The following CCDC33 variants were observed in gnomAD, a reference collection of about 807,000 sequenced individuals.
CCDC33 encodes the protein coiled-coil domain containing 33.
In CCDC33, 94 loss-of-function variants were observed where a neutral mutation model predicts 91.9. The ratio of observed to expected loss-of-function variants is 1.02; its 90% CI spans 0.87 to 1.21. CCDC33 has a LOEUF of 1.21. CCDC33 is among the 50% of genes most tolerant of loss of function. The pLI is 0.00. For synonymous variants in CCDC33, 396 were observed against 374.5 expected (o/e 1.06, Z -0.66); for missense variants, 940 against 935.5 (o/e 1.00, Z -0.06).
At chr15:74,204,918 G>A (rs994231169) in intron 1 of CCDC33, among the ~76,000 whole-genome samples, 2 of 151,018 alleles carry the variant, frequency 1.3e-5, no homozygotes, top group African/African-American at 4.9e-5. Flanking sequence ...CTGGACAAAA[G>A]AGGCAAACTC....
At chr15:74,269,827 C>T (rs1373634858) in intron 5 of CCDC33, among the ~76,000 whole-genome samples, 1 of 152,208 alleles carries the variant, frequency 6.6e-6, no homozygotes, top group Non-Finnish European at 1.5e-5. Flanking sequence ...TGATGGTGAG[C>T]GCATGGCAGG....
chr15:74,272,300 C>T (rs2076339994), intron 6 of CCDC33, among the ~76,000 whole-genome samples: 1 of 152,216 alleles, frequency 6.6e-6, no homozygotes, highest in South Asian at 2.1e-4. Context: ...CTCCTCCCTC[C>T]TCATCCTGGA....
At chr15:74,208,490 C>T (rs1205057735) in intron 1 of CCDC33, among the ~76,000 whole-genome samples, 1 of 152,174 alleles carries the variant, frequency 6.6e-6, no homozygotes, top group Non-Finnish European at 1.5e-5. Context: ...CTCCTTGTTC[C>T]CTTGCTGACC....
intron 2 of CCDC33, among the ~76,000 whole-genome samples, chr15:74,259,305 A>G (rs112908618): frequency 0.022 from 3,307 of 152,000 alleles, 117 homozygotes; most frequent in African/African-American, 0.075. Flanking sequence ...GAGCCCCGAG[A>G]GAGCCTGGGG....
At chr15:74,302,239 A>C (rs1318169460) in intron 11 of CCDC33, 2 of 151,448 alleles carry the variant, frequency 1.3e-5, no homozygotes, top group African/African-American at 2.4e-5. Context: ...TCCCCACCCC[A>C]CTTGCCGTGC....
upstream of CCDC33, chr15:74,212,719 C>T (rs1226865299): frequency 6.6e-6 from 1 of 152,188 alleles, no homozygotes; most frequent in Non-Finnish European, 1.5e-5. Context: ...ATGAAAGCCT[C>T]AGAAGCAAAA....
intron 2 of CCDC33, among the ~76,000 whole-genome samples, chr15:74,256,102 G>A (rs1289022328): frequency 6.6e-6 from 1 of 152,224 alleles, no homozygotes; most frequent in African/African-American, 2.4e-5. Flanking sequence ...AGTAGTGGTG[G>A]TGAGGGTGGG....
intron 1 of CCDC33, among the ~76,000 whole-genome samples, chr15:74,204,400 A>T (rs148178731): frequency 6.6e-6 from 1 of 152,222 alleles, no homozygotes; most frequent in Non-Finnish European, 1.5e-5. Context: ...GGCCTGTCCT[A>T]TACAGGCGGC....
chr15:74,221,169 T>G, intron 2 of CCDC33: 1 of 970,458 alleles, frequency 1.0e-6, no homozygotes, highest in African/African-American at 1.8e-5. Context: ...CAGAACTTGG[T>G]TGTAGGCTCA....
chr15:74,211,739 G>A (rs577341250), intron 2 of CCDC33, among the ~76,000 whole-genome samples: 1 of 151,946 alleles, frequency 6.6e-6, no homozygotes, highest in East Asian at 1.9e-4. Flanking sequence ...CCTCCTGTCT[G>A]CCTTTCTGCC....
rs1174848169 is a variant in CCDC33 at position 74,218,922 on chromosome 15, C to T, written c.675+61C>T. 5.9e-6 allele frequency: 7 copies of T among 1,190,852 alleles called. No individual in the cohort carries two copies. The highest frequency in any genetic ancestry group is 4.2e-6 in the Non-Finnish European group (4 of 941,754). 73.8% of individuals were successfully genotyped at this position (1,190,852 alleles called of 1,614,324 possible). A position where few individuals can be genotyped will look rare whatever the true frequency, so the allele number is the denominator to read the frequency against. ...CTCACCGGGTACAAGACCCAGCCTC[C>T]GTGATAAGCCAGGCTACCCCCTGTC... On this transcript the variant is annotated intron_variant, in intron 2 of 2. Coordinates refer to the CCDC33 transcript ENST00000635913. This position sits in a 1 kb window ranked among gnomAD's most constrained non-coding sequence, Gnocchi z 4.8.
intron 12 of CCDC33, 147 bp downstream of exon 12, chr15:74,330,501 A>G (rs753429719): frequency 3.1e-4 from 350 of 1,131,610 alleles, no homozygotes; most frequent in Non-Finnish European, 4.0e-4. Context: ...AGACACTCAC[A>G]CAGTCCCTGC....
chr15:74,321,181 G>T (rs975053248), intron 11 of CCDC33, among the ~76,000 whole-genome samples: 8 of 152,190 alleles, frequency 5.3e-5, no homozygotes, highest in Admixed American at 6.5e-5. Flanking sequence ...GCATCAATTT[G>T]CCAGCTGAAT....
intron 11 of CCDC33, among the ~76,000 whole-genome samples, chr15:74,304,950 T>TA (rs1555418803): frequency 6.9e-5 from 3 of 43,332 alleles, no homozygotes; most frequent in African/African-American, 1.2e-4. Flanking sequence ...CTTCTTCTTC[T>TA]TTTTTTTTTT....
chr15:74,211,416 T>G (rs2074367190), intron 2 of CCDC33, among the ~76,000 whole-genome samples: 1 of 148,902 alleles, frequency 6.7e-6, no homozygotes, highest in Non-Finnish European at 1.5e-5. Context: ...TTTTTTTTTT[T>G]TGAGATGGAG....
chr15:74,210,775 T>G (rs2142123133), intron 2 of CCDC33, among the ~76,000 whole-genome samples: 1 of 152,280 alleles, frequency 6.6e-6, no homozygotes, highest in African/African-American at 2.4e-5. Context: ...GCCCTTAGAC[T>G]AGGTATTGGC....
At chr15:74,284,441 A>G (rs1312026422) in intron 10 of CCDC33, among the ~76,000 whole-genome samples, 1 of 152,188 alleles carries the variant, frequency 6.6e-6, no homozygotes, top group African/African-American at 2.4e-5. Flanking sequence ...AGCTAAATCT[A>G]AAGGGGCCCA....
upstream of CCDC33, among the ~76,000 whole-genome samples, chr15:74,215,464 A>T (rs900859307): frequency 6.6e-6 from 1 of 152,306 alleles, no homozygotes; most frequent in East Asian, 1.9e-4. Context: ...ACAACAATGT[A>T]AATTTATTTA....
Position 74,244,212 on chromosome 15 carries a change from AG to A in CCDC33, c.185+65del. ...GGGCTGTGAGCAGAAACCAGGGGAC[AG>A]CTATTTGGAATACTAGCACCCAAAG... On this transcript the variant is annotated intron_variant, in intron 2 of 18. Coordinates refer to ENST00000398814, the MANE Select transcript of CCDC33 (RefSeq NM_025055.5). This position sits in a 1 kb window ranked among gnomAD's most constrained non-coding sequence, Gnocchi z 4.2. The A allele has an allele frequency of 1.9e-6, 3 of 1,548,734 alleles. No homozygotes were observed. The highest frequency in any genetic ancestry group is 2.6e-6 in the Non-Finnish European group (3 of 1,144,272).
Sources: allele counts gnomAD v4.1 joint callset (sites outside exome capture counted in the v4.1 genomes callset), GRCh38; gene constraint gnomAD v4.1.1; non-coding constraint Gnocchi (gnomAD v3.1); transcripts MANE v1.5; gene names NCBI Gene and HGNC (gene_info 2026-07-23, HGNC 2026-07-21).